Variants in CCDC148 observed in about 807,000 individuals in gnomAD.
CCDC148 encodes the protein coiled-coil domain containing 148.
CCDC148 carries 89 observed loss-of-function variants against 85.7 expected under a neutral mutation model. That is an observed-to-expected ratio of 1.04 (90% CI 0.87 to 1.24). The LOEUF (loss-of-function observed/expected upper bound fraction) is 1.24. Among genes scored for constraint, CCDC148 ranks in the 50% most tolerant of loss-of-function variants. The pLI is 0.00. For synonymous variants in CCDC148, 230 were observed against 213.9 expected (o/e 1.08, Z -0.66); for missense variants, 692 against 671.7 (o/e 1.03, Z -0.33).
At chr2:158,278,658 G>A (rs1461754345) in intron 9 of CCDC148, among the ~76,000 whole-genome samples, 1 of 152,282 alleles carries the variant, frequency 6.6e-6, no homozygotes, top group African/African-American at 2.4e-5. Context: ...CACAGCTCAA[G>A]GAGGCCTGCC....
intron 1 of CCDC148, among the ~76,000 whole-genome samples, chr2:158,364,838 T>C (rs192752113): frequency 3.9e-5 from 6 of 152,280 alleles, no homozygotes; most frequent in African/African-American, 1.4e-4. Context: ...AAAGAGCTTC[T>C]ACACAGCAAA....
At chr2:158,280,645 C>A (rs562519669) in intron 9 of CCDC148, among the ~76,000 whole-genome samples, 56 of 152,288 alleles carry the variant, frequency 3.7e-4, no homozygotes, top group African/African-American at 1.3e-3. Flanking sequence ...GAGTGACCTA[C>A]AAAGAGACTT....
chr2:158,353,356 G>A (rs960788027), intron 2 of CCDC148, among the ~76,000 whole-genome samples: 6 of 150,020 alleles, frequency 4.0e-5, no homozygotes, highest in Non-Finnish European at 8.9e-5. Flanking sequence ...CACACACATA[G>A]GCTGAAAATA....
chr2:158,272,464 A>G (rs1175103570), intron 9 of CCDC148, among the ~76,000 whole-genome samples: 1 of 152,218 alleles, frequency 6.6e-6, no homozygotes, highest in Non-Finnish European at 1.5e-5. Context: ...ACTACTGCCA[A>G]TTCTTTGGTA....
chr2:158,250,646 C>T, intron 10 of CCDC148, 126 bp downstream of exon 10: 1 of 1,309,734 alleles, frequency 7.6e-7, no homozygotes, highest in Non-Finnish European at 9.9e-7. Context: ...TAAAACATTC[C>T]ACTAGATCTT....
chr2:158,224,836 C>T (rs1176239649), intron 10 of CCDC148, among the ~76,000 whole-genome samples: 1 of 152,110 alleles, frequency 6.6e-6, no homozygotes, highest in Non-Finnish European at 1.5e-5. Flanking sequence ...CCGGTACCAG[C>T]CACTGCAAAA....
intron 1 of CCDC148, among the ~76,000 whole-genome samples, chr2:158,400,838 C>A (rs2105305925): frequency 6.6e-6 from 1 of 152,244 alleles, no homozygotes; most frequent in African/African-American, 2.4e-5. Flanking sequence ...CCAGAAGCTA[C>A]AAAGAACTTA....
intron 1 of CCDC148, among the ~76,000 whole-genome samples, chr2:158,391,553 T>C (rs771751600): frequency 3.3e-5 from 5 of 152,204 alleles, no homozygotes; most frequent in Non-Finnish European, 5.9e-5. Flanking sequence ...TCCATATTGC[T>C]TGCCTCAGCA....
intron 13 of CCDC148, among the ~76,000 whole-genome samples, chr2:158,175,802 C>A (rs1175573120): frequency 6.6e-6 from 1 of 152,022 alleles, no homozygotes; most frequent in East Asian, 1.9e-4. Context: ...TAGCTTCTCT[C>A]CTTAGATTTG....
At chr2:158,356,759 C>A (rs1490702143) in intron 2 of CCDC148, among the ~76,000 whole-genome samples, 3 of 145,020 alleles carry the variant, frequency 2.1e-5, no homozygotes, top group African/African-American at 7.8e-5. Context: ...ATAAATCATG[C>A]TGCTATAAAG....
rs1421038849 is a variant in CCDC148 at position 158,320,151 on chromosome 2, G to A, written c.765-6257C>T. ...AAAATTGGCCTACTTCTTTGGGACA[G>A]TATGAGGAAAATTTTAATTAGCCAT... On this transcript the variant is annotated intron_variant, in intron 7 of 13. Transcript: ENST00000283233. Among the ~76,000 whole-genome samples, 5 of 152,274 alleles carry A rather than the reference G, an allele frequency of 3.3e-5. No homozygotes were observed. The East Asian group carries it at 9.6e-4, about 29-fold the overall frequency.
chr2:158,178,670 G>A (rs1363021063), intron 12 of CCDC148, among the ~76,000 whole-genome samples: 3 of 152,072 alleles, frequency 2.0e-5, no homozygotes, highest in East Asian at 1.9e-4. Context: ...AAAAGGTGAT[G>A]ATAAAGTTCT....
chr2:158,294,723 C>T (rs1198429809), intron 9 of CCDC148, among the ~76,000 whole-genome samples: 3 of 150,000 alleles, frequency 2.0e-5, no homozygotes, highest in African/African-American at 4.9e-5. Context: ...ATGCAGGAGG[C>T]TGAGGCATGA....
intron 1 of CCDC148, among the ~76,000 whole-genome samples, chr2:158,402,779 C>T (rs1258589685): frequency 1.3e-5 from 2 of 152,028 alleles, no homozygotes; most frequent in Admixed American, 1.3e-4. Context: ...GATAGTATAA[C>T]TTTGCCAAGG....
chr2:158,256,763 C>G (rs1054360285), intron 9 of CCDC148, among the ~76,000 whole-genome samples: 1 of 151,780 alleles, frequency 6.6e-6, no homozygotes, highest in African/African-American at 2.4e-5. Context: ...TTATCCTACT[C>G]AAGTCTTGGC....
intron 9 of CCDC148, among the ~76,000 whole-genome samples, chr2:158,268,629 T>C (rs1205616460): frequency 6.6e-6 from 1 of 152,118 alleles, no homozygotes; most frequent in Non-Finnish European, 1.5e-5. Context: ...ATTTCAAATA[T>C]ACAATTTAGG....
rs1258245847 is a variant in CCDC148 at position 158,225,088 on chromosome 2, A to G, written c.1252-4375T>C. 5.3e-5 allele frequency among the ~76,000 whole-genome samples: 8 copies of G among 152,234 alleles called. No individual in the cohort carries two copies. The East Asian group carries it at 1.2e-3, about 22-fold the overall frequency. On this transcript the variant is annotated intron_variant, in intron 10 of 13. Transcript: ENST00000283233. ...CATGTGAAGAGACACACATAGGCTC[A>G]AAATAAAGGGATGGAGGAAGATCTA... is the stretch of plus-strand genomic sequence containing the variant.
intron 1 of CCDC148, among the ~76,000 whole-genome samples, chr2:158,386,772 AT>A (rs1685103517): frequency 6.6e-6 from 1 of 152,056 alleles, no homozygotes; most frequent in South Asian, 2.1e-4. Context: ...TCCTTCAGGG[AT>A]TTTCCCCTCA....
chr2:158,456,352 G>C, intron 1 of CCDC148, 63 bp downstream of exon 1: 1 of 1,541,998 alleles, frequency 6.5e-7, no homozygotes, highest in Non-Finnish European at 8.9e-7. Context: ...ACATAAGTAG[G>C]ATTTAGGTGG....
Sources: gnomAD v4.1 joint callset for allele counts (sites outside exome capture counted in the v4.1 genomes callset) on GRCh38, gnomAD v4.1.1 for gene constraint, MANE v1.5 for transcripts, NCBI Gene and HGNC (gene_info 2026-07-23, HGNC 2026-07-21) for gene names.